LGSN: variants seen among roughly 807,000 people sequenced by gnomAD.
LGSN encodes the protein lengsin.
LGSN carries 21 observed loss-of-function variants against 19.5 expected under a neutral mutation model. That is an observed-to-expected ratio of 1.07 (90% CI 0.76 to 1.55). The LOEUF (loss-of-function observed/expected upper bound fraction) is 1.55. Among genes scored for constraint, LGSN ranks in the 40% most tolerant of loss-of-function variants. LGSN has a pLI of 0.00. For synonymous variants in LGSN, 257 were observed against 215.6 expected (o/e 1.19, Z -1.68); for missense variants, 673 against 608.5 (o/e 1.11, Z -1.12).
chr6:63,440,198 C>T, the LGSN span, among the ~76,000 whole-genome samples: 3 of 152,166 alleles, frequency 2.0e-5, no homozygotes, highest in Non-Finnish European at 1.5e-5. Context: ...AAGCCTAAAA[C>T]CAGACTGCTG....
the LGSN span, chr6:63,548,754 T>A: frequency 1.4e-5 from 10 of 694,426 alleles, no homozygotes; most frequent in Non-Finnish European, 1.8e-5. Context: ...CTTTTCGAGC[T>A]TGCCAATGCA....
chr6:63,454,954 G>C, the LGSN span, among the ~76,000 whole-genome samples: 3 of 151,582 alleles, frequency 2.0e-5, no homozygotes, highest in African/African-American at 7.3e-5. Flanking sequence ...CACCACGCCC[G>C]GCTAATTTTT....
chr6:63,510,822 T>C, the LGSN span, among the ~76,000 whole-genome samples: 1 of 151,814 alleles, frequency 6.6e-6, no homozygotes, highest in South Asian at 2.1e-4. Context: ...AACAGGCGCA[T>C]GTCACCATAC....
the LGSN span, chr6:63,395,057 T>G: frequency 2.6e-5 from 4 of 156,150 alleles, no homozygotes; most frequent in African/African-American, 9.6e-5. Flanking sequence ...GAAGAAAGTG[T>G]GGGGCTGCCT....
the LGSN span, among the ~76,000 whole-genome samples, chr6:63,465,081 C>T: frequency 6.6e-6 from 1 of 151,866 alleles, no homozygotes; most frequent in South Asian, 2.1e-4. Context: ...TATTACCCAC[C>T]CCATGCTCTT....
chr6:63,520,762 T>G, the LGSN span, among the ~76,000 whole-genome samples: 3 of 152,164 alleles, frequency 2.0e-5, no homozygotes, highest in Non-Finnish European at 4.4e-5. Flanking sequence ...CTTGTCAATA[T>G]GATTAGTGTC....
chr6:63,281,305 ATATAT>A, intron 3 of LGSN, 85 bp from the exon 4 acceptor site: 3 of 50,956 alleles, frequency 5.9e-5, no homozygotes, highest in African/African-American at 1.4e-4. Context: ...GCTAATGAAA[ATATAT>A]ATATATATAT....
chr6:63,481,349 A>T, the LGSN span, among the ~76,000 whole-genome samples: 2 of 147,924 alleles, frequency 1.4e-5, no homozygotes, highest in East Asian at 2.0e-4. Flanking sequence ...CCCAAAAGCT[A>T]TTTTTTTTTT....
Position 63,277,356 on chromosome 6 carries a change from T to A in LGSN, c.*2665A>T, listed in dbSNP as rs546471831. Reference sequence around the variant, plus strand: ...CATTTTTTGGATGTGTGGATCCCTTTGATTAACTCAGATTATCCTCTCTAG... The same window carrying A: ...CATTTTTTGGATGTGTGGATCCCTTAGATTAACTCAGATTATCCTCTCTAG... On this transcript the variant is annotated 3_prime_UTR_variant, in exon 4 of 4. Transcript: ENST00000370657. The A allele has an allele frequency of 6.6e-6, 1 of 152,306 alleles. No homozygotes were observed. The highest frequency in any genetic ancestry group is 2.1e-4 in the South Asian group (1 of 4,828). The allele number at this position is 152,306 out of a possible 1,614,324, so 9.4% of individuals were successfully genotyped here.
At chr6:63,297,548 G>C (rs1768024920) in intron 1 of LGSN, among the ~76,000 whole-genome samples, 1 of 152,044 alleles carries the variant, frequency 6.6e-6, no homozygotes, top group African/African-American at 2.4e-5. Flanking sequence ...AAATTTATTG[G>C]ATCCTTCATT....
the LGSN span, among the ~76,000 whole-genome samples, chr6:63,344,765 C>T: frequency 6.6e-6 from 1 of 151,978 alleles, no homozygotes; most frequent in African/African-American, 2.4e-5. Context: ...AAAAAAAAAC[C>T]TGTTATTAGC....
the LGSN span, among the ~76,000 whole-genome samples, chr6:63,328,371 C>A: frequency 6.6e-6 from 1 of 152,162 alleles, no homozygotes; most frequent in African/African-American, 2.4e-5. Context: ...GGGTTGAGGG[C>A]CACGCACATG....
chr6:63,412,718 G>GGAAGGAAGGAAGGAAGGACGGAAA, the LGSN span, among the ~76,000 whole-genome samples: 1 of 54,802 alleles, frequency 1.8e-5, no homozygotes, highest in African/African-American at 1.4e-4. Context: ...AGGGAAGGAA[G>GGAAGGAAGGAAGGAAGGACGGAAA]GAAAGAAAGA....
At chr6:63,303,276 C>T (rs1768260695) in intron 1 of LGSN, among the ~76,000 whole-genome samples, 1 of 152,090 alleles carries the variant, frequency 6.6e-6, no homozygotes, top group South Asian at 2.1e-4. Flanking sequence ...TGCATGTTTT[C>T]TAGTTATATA....
chr6:63,460,649 A>G, the LGSN span, among the ~76,000 whole-genome samples: 1 of 152,262 alleles, frequency 6.6e-6, no homozygotes, highest in South Asian at 2.1e-4. Context: ...TCCTACTATT[A>G]CTTAAGTGAA....
chr6:63,295,224 G>T (rs950225401), intron 1 of LGSN, among the ~76,000 whole-genome samples, 179 bp from the exon 2 acceptor site: 1 of 152,124 alleles, frequency 6.6e-6, no homozygotes, highest in African/African-American at 2.4e-5. Flanking sequence ...AAAGCCCAGC[G>T]TTGTGCTGAT....
At chr6:63,513,466 T>G in the LGSN span, among the ~76,000 whole-genome samples, 5 of 152,164 alleles carry the variant, frequency 3.3e-5, no homozygotes, top group Admixed American at 1.3e-4. Context: ...CCAATTACAA[T>G]GTTTGCCGTA....
intron 1 of LGSN, among the ~76,000 whole-genome samples, chr6:63,318,535 T>C (rs903619034): frequency 6.6e-6 from 1 of 152,172 alleles, no homozygotes; most frequent in African/African-American, 2.4e-5. Context: ...CTTTATTACA[T>C]CTAGTAAATA....
chr6:63,420,540 A>G, the LGSN span, among the ~76,000 whole-genome samples: 3 of 152,374 alleles, frequency 2.0e-5, no homozygotes, highest in East Asian at 5.8e-4. Flanking sequence ...TCTGATAGGT[A>G]CTAATACTCC....
Sources: allele counts gnomAD v4.1 joint callset (sites outside exome capture counted in the v4.1 genomes callset), GRCh38; gene constraint gnomAD v4.1.1; transcripts MANE v1.5; gene names NCBI Gene and HGNC (gene_info 2026-07-23, HGNC 2026-07-21).